The following HTR4 variants were observed in gnomAD, a reference collection of about 807,000 sequenced individuals.
The protein encoded by HTR4 is 5-hydroxytryptamine receptor 4, also known as 5-hydroxytryptamine (serotonin) receptor 4, G protein-coupled.
Under a neutral mutation model 36.8 loss-of-function variants are expected in HTR4, and 16 were observed. The observed-to-expected ratio is 0.43, with a 90% CI of 0.29 to 0.66. The LOEUF (loss-of-function observed/expected upper bound fraction) is 0.66, where lower values mean the gene tolerates loss of function less well. Among genes scored for constraint, HTR4 ranks in the 30% least tolerant of loss-of-function variants. HTR4 has a pLI of 0.13. For synonymous variants in HTR4, 189 were observed against 185.1 expected (o/e 1.02, Z -0.17); for missense variants, 438 against 490.9 (o/e 0.89, Z 1.02).
intron 2 of HTR4, among the ~76,000 whole-genome samples, chr5:148,622,076 T>A (rs941444999): frequency 3.3e-5 from 5 of 152,158 alleles, no homozygotes; most frequent in Admixed American, 2.0e-4. Flanking sequence ...CTTGTAATAA[T>A]TGCTCCAAAC....
At chr5:148,558,715 C>T (rs1000362274) in intron 2 of HTR4, among the ~76,000 whole-genome samples, 2 of 152,132 alleles carry the variant, frequency 1.3e-5, no homozygotes, top group African/African-American at 4.8e-5. Context: ...CCCTTCCCCC[C>T]ACTCTATTTC....
intron 4 of HTR4, among the ~76,000 whole-genome samples, chr5:148,535,584 C>T (rs561267207): frequency 1.3e-5 from 2 of 152,248 alleles, no homozygotes; most frequent in Non-Finnish European, 2.9e-5. Flanking sequence ...AAGAATTTCT[C>T]AATGCATTCA....
chr5:148,617,385 C>A (rs145852330), intron 2 of HTR4, among the ~76,000 whole-genome samples: 2 of 152,302 alleles, frequency 1.3e-5, no homozygotes, highest in Admixed American at 6.5e-5. Context: ...TATAAATTAC[C>A]CAATCTCAGG....
chr5:148,581,341 C>T (rs1186726742), intron 2 of HTR4, among the ~76,000 whole-genome samples: 6 of 151,920 alleles, frequency 3.9e-5, no homozygotes, highest in East Asian at 1.9e-4. Flanking sequence ...GAAGTGTTTT[C>T]GTTTAATGTA....
chr5:148,554,569 C>T lies in HTR4; in HGVS notation c.27-4307G>A, dbSNP rs1027355658. ...CAGGGACTGGGAGCACAGGTGAATG[C>T]GGAGTTATTATTTAAGAATTATAGA... On this transcript the variant is annotated intron_variant, in intron 2 of 6. Coordinates refer to ENST00000377888, the MANE Select transcript of HTR4 (RefSeq NM_000870.7). Among the ~76,000 whole-genome samples the T allele has an allele frequency of 1.1e-4, 16 of 152,048 alleles. No individual in the cohort carries two copies. The East Asian group carries it at 1.9e-3, about 18-fold the overall frequency.
chr5:148,491,228 G>A (rs898353506), intron 6 of HTR4, among the ~76,000 whole-genome samples: 2 of 152,160 alleles, frequency 1.3e-5, no homozygotes, highest in African/African-American at 4.8e-5. Flanking sequence ...AGTGGAAAGG[G>A]CTTATCTGCA....
At chr5:148,611,884 T>C (rs1336759340) in intron 2 of HTR4, among the ~76,000 whole-genome samples, 11 of 151,764 alleles carry the variant, frequency 7.2e-5, no homozygotes, top group East Asian at 1.9e-4. Flanking sequence ...AATCCTAGTC[T>C]CAGATAAAAC....
At chr5:148,477,064 C>G (rs151010904), downstream of HTR4, among the ~76,000 whole-genome samples, 380 of 152,146 alleles carry the variant, frequency 2.5e-3, 1 homozygote, top group African/African-American at 8.7e-3. Context: ...ATGAGGAGTC[C>G]TTGAGGGATT....
intron 4 of HTR4, among the ~76,000 whole-genome samples, chr5:148,544,349 A>G (rs17720595): frequency 1.2e-5 from 1 of 84,294 alleles, no homozygotes; most frequent in Non-Finnish European, 3.4e-5. Flanking sequence ...CTCCACACAC[A>G]CTCATGTAAA....
chr5:148,506,496 C>T (rs557137112), intron 6 of HTR4, among the ~76,000 whole-genome samples: 56 of 152,210 alleles, frequency 3.7e-4, no homozygotes, highest in South Asian at 1.2e-3. Flanking sequence ...CCAAAAACAA[C>T]GGCAACAGAA....
At chr5:148,454,181 T>C (rs1030456169) in intron 5 of HTR4, among the ~76,000 whole-genome samples, 2 of 152,172 alleles carry the variant, frequency 1.3e-5, no homozygotes, top group African/African-American at 4.8e-5. Context: ...ACTTATTTAA[T>C]CTCTCTATGC....
chr5:148,620,091 C>T (rs1249482151), intron 2 of HTR4, among the ~76,000 whole-genome samples: 2 of 152,154 alleles, frequency 1.3e-5, no homozygotes, highest in Non-Finnish European at 2.9e-5. Context: ...TCCTTGAGGG[C>T]TGGATGTTCA....
intron 4 of HTR4, among the ~76,000 whole-genome samples, chr5:148,547,174 C>T (rs1297656292): frequency 6.6e-6 from 1 of 152,138 alleles, no homozygotes; most frequent in Admixed American, 6.6e-5. Context: ...CCTGCTGTCC[C>T]CTCAGCTGGT....
chr5:148,538,631 G>T (rs554146972), intron 4 of HTR4, among the ~76,000 whole-genome samples: 7 of 151,960 alleles, frequency 4.6e-5, no homozygotes, highest in East Asian at 3.9e-4. Flanking sequence ...CACAACTGCC[G>T]CAAAAAGAAT....
chr5:148,612,412 C>A (rs1482041226), intron 2 of HTR4, among the ~76,000 whole-genome samples: 1 of 149,810 alleles, frequency 6.7e-6, no homozygotes, highest in South Asian at 2.2e-4. Context: ...ACTGAACAAC[C>A]TGCTCCTGAA....
At chr5:148,577,958 C>T (rs558745673) in intron 2 of HTR4, among the ~76,000 whole-genome samples, 3 of 151,788 alleles carry the variant, frequency 2.0e-5, no homozygotes, top group Admixed American at 2.0e-4. Context: ...ACATGTACCC[C>T]TGAACCTAAA....
At chr5:148,589,101 GAGAT>G (rs760392381) in intron 2 of HTR4, among the ~76,000 whole-genome samples, 17 of 151,942 alleles carry the variant, frequency 1.1e-4, no homozygotes, top group Non-Finnish European at 2.1e-4. Context: ...TCTCCTATAA[GAGAT>G]AGATAATTTG....
intron 5 of HTR4, among the ~76,000 whole-genome samples, chr5:148,459,877 T>A (rs1755221760): frequency 6.6e-6 from 1 of 152,088 alleles, no homozygotes; most frequent in African/African-American, 2.4e-5. Context: ...GTGATTAATA[T>A]GCTAAGGGTC....
intron 1 of HTR4, among the ~76,000 whole-genome samples, chr5:148,640,263 G>A (rs1172358836): frequency 1.3e-5 from 2 of 152,166 alleles, no homozygotes; most frequent in African/African-American, 2.4e-5. Context: ...ATCTTTCTCT[G>A]AGAATAATGT....
Sources: gnomAD v4.1 joint callset for allele counts (sites outside exome capture counted in the v4.1 genomes callset) on GRCh38, gnomAD v4.1.1 for gene constraint, MANE v1.5 for transcripts, NCBI Gene and HGNC (gene_info 2026-07-23, HGNC 2026-07-21) for gene names.